SSH2: variants seen among roughly 807,000 people sequenced by gnomAD.
SSH2 encodes the protein slingshot protein phosphatase 2, also known as protein phosphatase Slingshot homolog 2.
Under a neutral mutation model 135.2 loss-of-function variants are expected in SSH2, and 37 were observed. That is an observed-to-expected ratio of 0.27 (90% CI 0.21 to 0.36). The LOEUF (loss-of-function observed/expected upper bound fraction) is 0.36, where lower values mean the gene tolerates loss of function less well. SSH2 is among the 10% of genes least tolerant of loss of function. The pLI is 1.00. For synonymous variants in SSH2, 628 were observed against 646.2 expected, an observed-to-expected ratio of 0.97 and a Z score of 0.43; for missense variants, 1,408 against 1,765.3, an observed-to-expected ratio of 0.80 and a Z score of 3.63.
intron 8 of SSH2, among the ~76,000 whole-genome samples, chr17:29,672,859 A>C (rs2037549073): frequency 6.6e-6 from 1 of 152,072 alleles, no homozygotes; most frequent in South Asian, 2.1e-4. Context: ...GGTGCATGCC[A>C]CTACACCGGG....
chr17:29,755,468 C>A lies in SSH2; in HGVS notation c.188+38426G>T, dbSNP rs140533746. ...AATCTAATAATGATAACATAATTAC[C>A]AATAAAATACAGTAATACCCCAGCT... On this transcript the variant is annotated intron_variant, in intron 3 of 15. Transcript: ENST00000540801. Among the ~76,000 whole-genome samples, 571 of 151,860 alleles carry A rather than the reference C, an allele frequency of 3.8e-3. 5 individuals carry two copies. The highest frequency in any genetic ancestry group is 0.013 in the African/African-American group (540 of 41,432).
intron 3 of SSH2, among the ~76,000 whole-genome samples, chr17:29,775,274 GA>G (rs1480156532): frequency 6.6e-6 from 1 of 150,858 alleles, no homozygotes; most frequent in Non-Finnish European, 1.5e-5. Flanking sequence ...TGTGAAAAAT[GA>G]AGTCCTTCTT....
At chr17:29,637,252 C>T (rs1041043983) in intron 14 of SSH2, among the ~76,000 whole-genome samples, 1 of 152,126 alleles carries the variant, frequency 6.6e-6, no homozygotes, top group Admixed American at 6.6e-5. Context: ...GAACATGCCA[C>T]CATGCCTGGC....
rs532083280 is a variant in SSH2 at position 29,629,040 on chromosome 17, A to G, written c.*1801T>C. On this transcript the variant is annotated 3_prime_UTR_variant, in exon 16 of 16. Coordinates refer to ENST00000540801, the MANE Select transcript of SSH2 (RefSeq NM_001282129.2). The stretch of plus-strand genomic sequence containing the variant: ...AAAAACCTGTCTCCAGTCTATACTC[A>G]GTCAATCCTCAGTAACGTGGACATC... The G allele has an allele frequency of 5.2e-5, 8 of 152,420 alleles. No homozygotes were observed. The South Asian group carries it at 8.3e-4, about 16-fold the overall frequency. 9.4% of individuals were successfully genotyped at this position (152,420 alleles called of 1,614,324 possible). A position where few individuals can be genotyped will look rare whatever the true frequency, so the allele number is the denominator to read the frequency against.
At chr17:29,761,211 G>A (rs763769433) in intron 3 of SSH2, 1 of 1,288,808 alleles carries the variant, frequency 7.8e-7, no homozygotes, top group Admixed American at 2.3e-5. Flanking sequence ...ATCATGTCGG[G>A]GCCACCGAGG....
chr17:29,913,356 A>AAT (rs1567650094), intron 1 of SSH2, among the ~76,000 whole-genome samples: 1 of 71,046 alleles, frequency 1.4e-5, no homozygotes, highest in African/African-American at 5.8e-5. Flanking sequence ...AAATATATAT[A>AAT]TATATATATA....
rs141953034 is a variant in SSH2, at chr17:29,888,013, G to A, written c.64-39084C>T. Among the ~76,000 whole-genome samples, 1,476 of 152,206 alleles carry A rather than the reference G, an allele frequency of 9.7e-3. 16 individuals carry two copies. The highest frequency in any genetic ancestry group is 0.014 in the Non-Finnish European group (954 of 68,004). Reference sequence around the variant, plus strand: ...GCACTTTGGGAGGCCAATACTGGAGGATCACTTAAGCCCAGGAGTTTGAGA... The same window carrying A: ...GCACTTTGGGAGGCCAATACTGGAGAATCACTTAAGCCCAGGAGTTTGAGA... On this transcript the variant is annotated intron_variant, in intron 1 of 15. Transcript: ENST00000540801.
intron 3 of SSH2, among the ~76,000 whole-genome samples, chr17:29,765,314 G>A (rs542652308): frequency 6.6e-6 from 1 of 152,294 alleles, no homozygotes; most frequent in African/African-American, 2.4e-5. Context: ...GGATCGTACT[G>A]CAACCATTAG....
intron 6 of SSH2, among the ~76,000 whole-genome samples, chr17:29,682,888 C>T (rs899643534): frequency 6.6e-6 from 1 of 152,160 alleles, no homozygotes; most frequent in Non-Finnish European, 1.5e-5. Flanking sequence ...ATCTGGTTTA[C>T]AAGCCTGTGT....
rs1447290224 is a variant in SSH2 at position 29,775,501 on chromosome 17, A to G, written c.188+18393T>C. ...AATACAGTTCTAGAACAGAATTAGCATCAAATTCACTAAAACATTTTTCTT... is the reference window on the plus strand; with the variant it reads ...AATACAGTTCTAGAACAGAATTAGCGTCAAATTCACTAAAACATTTTTCTT... On this transcript the variant is annotated intron_variant, in intron 3 of 15. Coordinates refer to ENST00000540801, the MANE Select transcript of SSH2 (RefSeq NM_001282129.2). Among the ~76,000 whole-genome samples the G allele has an allele frequency of 2.6e-5, 4 of 152,308 alleles. No homozygotes were observed. In the East Asian group the frequency reaches 7.7e-4, roughly 29 times the overall value.
Position 29,672,004 on chromosome 17 carries a change from A to C in SSH2, c.740T>G (p.Val247Gly), listed in dbSNP as rs1245822518. The change falls in exon 9 of 16, where the codon GTC becomes GGC. Residue 247 changes from valine (V) to glycine (G), a missense_variant. Val to Gly is a moderately radical substitution (Grantham distance 109). Coordinates refer to ENST00000540801, the MANE Select transcript of SSH2 (RefSeq NM_001282129.2). ...ESHINSDQSS[V>G]NEWNAMQDVQ... ...ATCTTGCATTGCATTCCATTCATTGACTGAGGATTGATCTGAGTTGATATG... is the reference window on the plus strand; with the variant it reads ...ATCTTGCATTGCATTCCATTCATTGCCTGAGGATTGATCTGAGTTGATATG... 11 of 1,614,156 alleles carry C rather than the reference A, an allele frequency of 6.8e-6. No individual in the cohort carries two copies. The highest frequency in any genetic ancestry group is 9.3e-6 in the Non-Finnish European group (11 of 1,180,014).
At chr17:29,863,064 A>AT in intron 1 of SSH2, among the ~76,000 whole-genome samples, 1 of 150,112 alleles carries the variant, frequency 6.7e-6, no homozygotes, top group Non-Finnish European at 1.5e-5. Flanking sequence ...TTTAAAAAGG[A>AT]TTGTTTTTTT....
chr17:29,891,473 A>G (rs1445325168), intron 1 of SSH2, among the ~76,000 whole-genome samples: 3 of 152,200 alleles, frequency 2.0e-5, no homozygotes, highest in Non-Finnish European at 4.4e-5. Flanking sequence ...AAGCAACAAA[A>G]GCACAGATTT....
chr17:29,893,908 C>T (rs770554054), intron 1 of SSH2, among the ~76,000 whole-genome samples: 1 of 152,078 alleles, frequency 6.6e-6, no homozygotes. Flanking sequence ...GTTAACATTG[C>T]TCTTGATGTT....
At chr17:29,871,469 C>G (rs1223678006) in intron 1 of SSH2, among the ~76,000 whole-genome samples, 1 of 152,112 alleles carries the variant, frequency 6.6e-6, no homozygotes, top group Non-Finnish European at 1.5e-5. Context: ...TCTAATCTCT[C>G]AAGACAACAA....
chr17:29,920,125 C>T (rs745349622), intron 1 of SSH2, among the ~76,000 whole-genome samples: 1 of 152,054 alleles, frequency 6.6e-6, no homozygotes, highest in African/African-American at 2.4e-5. Context: ...AGGCTGGTCT[C>T]GAACTGCCGA....
At chr17:29,786,484 C>G (rs973031699) in intron 3 of SSH2, among the ~76,000 whole-genome samples, 4 of 152,192 alleles carry the variant, frequency 2.6e-5, no homozygotes, top group Non-Finnish European at 5.9e-5. Flanking sequence ...TCTCACCCTT[C>G]AATCATCTGT....
intron 1 of SSH2, among the ~76,000 whole-genome samples, chr17:29,857,017 C>A (rs1310729955): frequency 1.3e-5 from 2 of 152,170 alleles, no homozygotes; most frequent in African/African-American, 2.4e-5. Flanking sequence ...CAAACCATAT[C>A]ATTCCACCCC....
At chr17:29,734,948 T>C (rs545407619) in intron 3 of SSH2, among the ~76,000 whole-genome samples, 46 of 151,912 alleles carry the variant, frequency 3.0e-4, no homozygotes, top group African/African-American at 1.1e-3. Context: ...GTGGTTAAGT[T>C]CAAAGAGCTT....
Sources: gnomAD v4.1 joint callset for allele counts (sites outside exome capture counted in the v4.1 genomes callset) on GRCh38, gnomAD v4.1.1 for gene constraint, MANE v1.5 for transcripts, NCBI Gene and HGNC (gene_info 2026-07-23, HGNC 2026-07-21) for gene names.